The following PCDH15 variants were observed in gnomAD, a reference collection of about 807,000 sequenced individuals.
The protein encoded by PCDH15 is protocadherin related 15, also known as protocadherin-15.
In PCDH15, 129 loss-of-function variants were observed where a neutral mutation model predicts 178.5. That is an observed-to-expected ratio of 0.72 (90% CI 0.63 to 0.84). The LOEUF is 0.84. Ranked by LOEUF, PCDH15 falls within the 40% of genes least tolerant of loss-of-function variation. The pLI is 0.00. For synonymous variants in PCDH15, 800 were observed against 732.0 expected (o/e 1.09, Z -1.50); for missense variants, 2,230 against 2,099.9 (o/e 1.06, Z -1.21).
chr10:54,745,600 C>T (rs1945358006), intron 1 of PCDH15, among the ~76,000 whole-genome samples: 1 of 152,166 alleles, frequency 6.6e-6, no homozygotes, highest in Non-Finnish European at 1.5e-5. Context: ...CTGGATTCCA[C>T]ATAATGCTGT....
chr10:54,621,771 C>T lies in PCDH15; in HGVS notation c.91+42401G>A, dbSNP rs570651411. Among the ~76,000 whole-genome samples the T allele has an allele frequency of 9.9e-5, 15 of 151,656 alleles. No individual in the cohort carries two copies. The South Asian group carries it at 2.5e-3, about 25-fold the overall frequency. On this transcript the variant is annotated intron_variant, in intron 2 of 37. Transcript: ENST00000644397. ...ACTCACTGGTGATTAAACAGAGTCA[C>T]GCAGAAAATAATGAATGCAAAAATG...
At chr10:55,085,359 G>A (rs554319357) in intron 2 of PCDH15, among the ~76,000 whole-genome samples, 12 of 151,984 alleles carry the variant, frequency 7.9e-5, no homozygotes, top group Non-Finnish European at 1.8e-4. Context: ...ATAAGAGTTT[G>A]TGGTGGAGAA....
intron 2 of PCDH15, among the ~76,000 whole-genome samples, chr10:55,341,805 A>ATTTTTT (rs869187882): frequency 2.6e-3 from 42 of 16,236 alleles, no homozygotes; most frequent in Non-Finnish European, 3.0e-3. Context: ...ATATATATAT[A>ATTTTTT]TTTTTTTTTT....
intron 2 of PCDH15, among the ~76,000 whole-genome samples, chr10:55,534,548 T>C (rs979381760): frequency 5.9e-5 from 9 of 152,030 alleles, no homozygotes; most frequent in Admixed American, 3.9e-4. Flanking sequence ...AGAATGGCTA[T>C]TATGAAAAAG....
intron 8 of PCDH15, among the ~76,000 whole-genome samples, chr10:54,306,412 C>T (rs988492730): frequency 2.0e-5 from 3 of 151,922 alleles, no homozygotes; most frequent in African/African-American, 7.3e-5. Context: ...TGGAGTTGGG[C>T]AAGTTCAAAA....
intron 2 of PCDH15, among the ~76,000 whole-genome samples, chr10:55,423,679 A>T (rs1230679366): frequency 6.6e-6 from 1 of 152,048 alleles, no homozygotes; most frequent in Non-Finnish European, 1.5e-5. Flanking sequence ...TAGACTACAG[A>T]GGATGGAAAT....
chr10:53,968,546 C>T (rs572765344), intron 21 of PCDH15, among the ~76,000 whole-genome samples: 3 of 152,206 alleles, frequency 2.0e-5, no homozygotes, highest in Non-Finnish European at 4.4e-5. Flanking sequence ...AACGGACAGA[C>T]TGCCTCCTCA....
At chr10:55,524,978 T>A (rs1841271212) in intron 2 of PCDH15, among the ~76,000 whole-genome samples, 1 of 151,834 alleles carries the variant, frequency 6.6e-6, no homozygotes. Context: ...AGTAATTTTA[T>A]GTGAAATGTC....
At chr10:55,625,389 C>T (rs12412060) in intron 2 of PCDH15, among the ~76,000 whole-genome samples, 8,924 of 152,136 alleles carry the variant, frequency 0.059, 583 homozygotes, top group East Asian at 0.31. Flanking sequence ...ATGACACCCT[C>T]CCTCACAAAA....
At chr10:55,402,510 C>T (rs1212432651) in intron 2 of PCDH15, among the ~76,000 whole-genome samples, 2 of 151,860 alleles carry the variant, frequency 1.3e-5, no homozygotes, top group African/African-American at 4.8e-5. Flanking sequence ...CCAACCTTTC[C>T]TCTCTCTCCA....
At chr10:55,454,485 T>A in intron 2 of PCDH15, among the ~76,000 whole-genome samples, 1 of 151,902 alleles carries the variant, frequency 6.6e-6, no homozygotes, top group East Asian at 1.9e-4. Context: ...TCTTAGAAGT[T>A]TAGCTAGATA....
intron 25 of PCDH15, among the ~76,000 whole-genome samples, chr10:53,929,657 G>A (rs1230591014): frequency 6.6e-6 from 1 of 152,084 alleles, no homozygotes; most frequent in Non-Finnish European, 1.5e-5. Context: ...AACCACAAAA[G>A]TCAGAAGAAT....
In PCDH15 at chr10:55,045,253, G is replaced by T. The variant is rs185776798; in HGVS notation, c.-80+121323C>A. Among the ~76,000 whole-genome samples the T allele has an allele frequency of 3.3e-5, 5 of 152,080 alleles. No individual in the cohort carries two copies. The East Asian group carries it at 9.7e-4, about 29-fold the overall frequency. On this transcript the variant is annotated intron_variant, in intron 2 of 5. Coordinates refer to the PCDH15 transcript ENST00000458638. ...TTGTACCCAAGCCTCATGTCTTATA[G>T]AACGTAGATGACTCAATATACGTTT...
At chr10:55,523,824 G>A (rs545736917) in intron 2 of PCDH15, among the ~76,000 whole-genome samples, 13 of 151,610 alleles carry the variant, frequency 8.6e-5, no homozygotes, top group African/African-American at 3.1e-4. Context: ...AGTAACACAT[G>A]CTCAATTGCA....
intron 2 of PCDH15, among the ~76,000 whole-genome samples, chr10:55,110,805 A>T (rs1010379089): frequency 1.3e-5 from 2 of 152,158 alleles, no homozygotes; most frequent in Non-Finnish European, 2.9e-5. Context: ...CAAAAGAATT[A>T]GAAAAGGGAT....
chr10:54,315,722 G>C (rs36163431), intron 8 of PCDH15, among the ~76,000 whole-genome samples: 7 of 19,728 alleles, frequency 3.5e-4, no homozygotes, highest in Admixed American at 2.2e-3. Context: ...ATAAGGAGGG[G>C]GGGGTCCAGC....
intron 25 of PCDH15, among the ~76,000 whole-genome samples, chr10:53,924,266 G>A (rs555041508): frequency 2.0e-5 from 3 of 152,190 alleles, no homozygotes; most frequent in East Asian, 1.9e-4. Context: ...GGTGGACTCC[G>A]CACTCAGAGC....
intron 18 of PCDH15, among the ~76,000 whole-genome samples, chr10:54,061,494 A>T (rs1271316786): frequency 6.6e-6 from 1 of 151,928 alleles, no homozygotes. Context: ...TATATTTCAT[A>T]TTACATTTTT....
intron 2 of PCDH15, among the ~76,000 whole-genome samples, chr10:55,463,140 C>A (rs1839716559): frequency 6.6e-6 from 1 of 150,814 alleles, no homozygotes; most frequent in South Asian, 2.1e-4. Context: ...AAACAAAAAG[C>A]TGAAACCTGG....
Sources: gnomAD v4.1 joint callset for allele counts (sites outside exome capture counted in the v4.1 genomes callset) on GRCh38, gnomAD v4.1.1 for gene constraint, MANE v1.5 for transcripts, NCBI Gene and HGNC (gene_info 2026-07-23, HGNC 2026-07-21) for gene names.